NCAPH: variants seen among roughly 807,000 people sequenced by gnomAD.
NCAPH encodes the protein condensin complex subunit 2.
NCAPH carries 38 observed loss-of-function variants against 85.5 expected under a neutral mutation model. The ratio of observed to expected loss-of-function variants is 0.44; its 90% CI spans 0.34 to 0.58. The LOEUF (loss-of-function observed/expected upper bound fraction) is 0.58. Among genes scored for constraint, NCAPH ranks in the 20% least tolerant of loss-of-function variants. The pLI, the probability that NCAPH is intolerant of heterozygous loss-of-function variation, is 0.01. For synonymous variants in NCAPH, 301 were observed against 335.1 expected (o/e 0.90, Z 1.11); for missense variants, 789 against 916.6 (o/e 0.86, Z 1.80).
chr2:96,343,118 G>T (rs1200279399), intron 4 of NCAPH, 48 bp from the exon 5 acceptor site: 12 of 1,603,466 alleles, frequency 7.5e-6, no homozygotes, highest in Non-Finnish European at 1.0e-5. Context: ...CTGTTCAGAA[G>T]TTGTTTTTTG....
chr2:96,368,651 G>A (rs1267261935), intron 15 of NCAPH, among the ~76,000 whole-genome samples: 7 of 151,776 alleles, frequency 4.6e-5, no homozygotes, highest in African/African-American at 1.7e-4. Flanking sequence ...GCGAGACTCC[G>A]TCTCAAAAAA....
At chr2:96,360,759 G>A (rs1430271654) in intron 12 of NCAPH, 49 bp downstream of exon 12, 1 of 1,609,976 alleles carries the variant, frequency 6.2e-7, no homozygotes, top group South Asian at 1.1e-5. Context: ...TCAAGTGGCT[G>A]ATAGTATGAC....
At chr2:96,335,938 GGA>G in intron 1 of NCAPH, 90 bp downstream of exon 1, 2 of 1,342,016 alleles carry the variant, frequency 1.5e-6, no homozygotes, top group Non-Finnish European at 1.9e-6. Flanking sequence ...GCCTGGGCGG[GGA>G]GAGAGGATAT....
At chr2:96,370,635 T>C (rs2064760267) in intron 17 of NCAPH, among the ~76,000 whole-genome samples, 2 of 152,210 alleles carry the variant, frequency 1.3e-5, no homozygotes, top group Non-Finnish European at 2.9e-5. Flanking sequence ...CTTGCTTAGC[T>C]GACAACCTCA....
chr2:96,353,808 G>A (rs376048302), intron 8 of NCAPH, among the ~76,000 whole-genome samples: 2 of 152,160 alleles, frequency 1.3e-5, no homozygotes, highest in East Asian at 1.9e-4. Context: ...ATTGTCATGT[G>A]TAGAGCTTTC....
At position 96,375,739 on chromosome 2, in the gene NCAPH, C is replaced by G. The variant is rs1422171935; in HGVS notation, c.*2388C>G. Among the ~76,000 whole-genome samples, 1 of 152,112 alleles carries G rather than the reference C, an allele frequency of 6.6e-6. No individual in the cohort carries two copies. The highest frequency in any genetic ancestry group is 1.5e-5 in the Non-Finnish European group (1 of 68,018). ...GTGTTCTAGGACTGGTGTGACAGTTCCATGAAATTATGAGAGACCGGGGAT... is the reference window on the plus strand; with the variant it reads ...GTGTTCTAGGACTGGTGTGACAGTTGCATGAAATTATGAGAGACCGGGGAT... On this transcript the variant is annotated 3_prime_UTR_variant, in exon 18 of 18. Transcript: ENST00000240423.
At chr2:96,356,160 CA>C (rs1223259726) in intron 9 of NCAPH, among the ~76,000 whole-genome samples, 1 of 152,164 alleles carries the variant, frequency 6.6e-6, no homozygotes, top group Non-Finnish European at 1.5e-5. Context: ...TTCCAAACAG[CA>C]CAAAATCTTA....
Position 96,360,690 on chromosome 2 carries a change from C to T in NCAPH, c.1567C>T (p.His523Tyr). ...NYNVDTLVQL[H>Y]LKPGTRLLKM... is the part of the protein sequence containing the mutation. ...CAATGTTGACACTCTGGTCCAGCTT[C>T]ACCTCAAACCAGGCACCAGGGTAAG... is the stretch of plus-strand genomic sequence containing the variant. Residue 523 changes from histidine to tyrosine, a missense_variant, in exon 12 of 18, where the codon CAC becomes TAC. His to Tyr is a moderately conservative substitution (Grantham distance 83). Transcript: ENST00000240423. The T allele has an allele frequency of 6.2e-7, 1 of 1,614,194 alleles. No individual in the cohort carries two copies. The highest frequency in any genetic ancestry group is 1.1e-5 in the South Asian group (1 of 91,080).
Position 96,353,297 on chromosome 2 carries a change from C to G in NCAPH, c.911-9C>G. ...TAATCTCTCTTTGTGATCTTGCTAT[C>G]CTCTCCAGCGCCCTTGCAGCAGTGT... On this transcript the variant is annotated splice_polypyrimidine_tract_variant and intron_variant, in intron 7 of 17. Coordinates refer to ENST00000240423, the MANE Select transcript of NCAPH (RefSeq NM_015341.5). 1 of 1,613,332 alleles carries G rather than the reference C, an allele frequency of 6.2e-7. No individual in the cohort carries two copies. The highest frequency in any genetic ancestry group is 1.3e-5 in the African/African-American group (1 of 75,048).
At chr2:96,368,253 C>A (rs1419686013) in intron 15 of NCAPH, among the ~76,000 whole-genome samples, 1 of 152,162 alleles carries the variant, frequency 6.6e-6, no homozygotes, top group Non-Finnish European at 1.5e-5. Context: ...TCAACTAGAA[C>A]AGAATGGGAT....
intron 8 of NCAPH, 98 bp from the exon 9 acceptor site, chr2:96,354,085 T>A (rs2064487205): frequency 8.0e-7 from 1 of 1,248,872 alleles, no homozygotes; most frequent in Non-Finnish European, 1.1e-6. Flanking sequence ...AGGAGGAGGC[T>A]GGAAACTGAA....
At chr2:96,371,981 G>A (rs1161277174) in intron 17 of NCAPH, among the ~76,000 whole-genome samples, 1 of 152,192 alleles carries the variant, frequency 6.6e-6, no homozygotes, top group Non-Finnish European at 1.5e-5. Context: ...TCATGTCTCT[G>A]CATGTTAGCA....
At chr2:96,343,705 G>GTT (rs780306814) in intron 5 of NCAPH, among the ~76,000 whole-genome samples, 3 of 137,498 alleles carry the variant, frequency 2.2e-5, no homozygotes, top group Non-Finnish European at 1.6e-5. Context: ...TTGGAGTTTT[G>GTT]TTTTTTTTTT....
At chr2:96,358,977 A>G (rs2064565973) in intron 9 of NCAPH, 68 bp from the exon 10 acceptor site, 5 of 1,498,572 alleles carry the variant, frequency 3.3e-6, no homozygotes. Flanking sequence ...ATTTGCGGAC[A>G]TATGCTTCAT....
intron 12 of NCAPH, among the ~76,000 whole-genome samples, chr2:96,364,026 TC>T: frequency 6.6e-6 from 1 of 152,044 alleles, no homozygotes; most frequent in Non-Finnish European, 1.5e-5. Flanking sequence ...GTCTCAAAAT[TC>T]CTAGGCTCAA....
chr2:96,374,234 A>G lies in NCAPH; in HGVS notation c.*883A>G, dbSNP rs953961195. On this transcript the variant is annotated 3_prime_UTR_variant, in exon 18 of 18. Transcript: ENST00000240423. ...TGTCAGGGGTGGCCTGAGCCTGGCAATCTGCCTCCAGAGTCTGCTCTCGGC... is the reference window on the plus strand; with the variant it reads ...TGTCAGGGGTGGCCTGAGCCTGGCAGTCTGCCTCCAGAGTCTGCTCTCGGC... Among the ~76,000 whole-genome samples the G allele has an allele frequency of 2.0e-5, 3 of 152,202 alleles. No homozygotes were observed. The highest frequency in any genetic ancestry group is 2.1e-4 in the South Asian group (1 of 4,832).
intron 17 of NCAPH, among the ~76,000 whole-genome samples, chr2:96,371,977 C>T (rs148511071): frequency 2.6e-5 from 4 of 152,342 alleles, no homozygotes; most frequent in Non-Finnish European, 4.4e-5. Context: ...GCCTTCATGT[C>T]TCTGCATGTT....
chr2:96,370,986 G>A (rs929624441), intron 17 of NCAPH, among the ~76,000 whole-genome samples: 2 of 152,222 alleles, frequency 1.3e-5, no homozygotes, highest in Admixed American at 6.5e-5. Flanking sequence ...AGGCAGACAT[G>A]CCCGTGGTTA....
chr2:96,369,691 G>A (rs1021087280), intron 17 of NCAPH, among the ~76,000 whole-genome samples, 191 bp downstream of exon 17: 2 of 152,190 alleles, frequency 1.3e-5, no homozygotes, highest in African/African-American at 4.8e-5. Flanking sequence ...GGTTTGATTA[G>A]CAATGAAAAT....
Sources: allele counts gnomAD v4.1 joint callset (sites outside exome capture counted in the v4.1 genomes callset), GRCh38; gene constraint gnomAD v4.1.1; transcripts MANE v1.5; gene names NCBI Gene and HGNC (gene_info 2026-07-23, HGNC 2026-07-21).